AXIN1: variants seen among roughly 807,000 people sequenced by gnomAD.
AXIN1 encodes the protein axin-1.
Under a neutral mutation model 76.4 loss-of-function variants are expected in AXIN1, and 30 were observed. That is an observed-to-expected ratio of 0.39 (90% CI 0.29 to 0.53). The LOEUF (loss-of-function observed/expected upper bound fraction) is 0.53, where lower values mean the gene tolerates loss of function less well. Ranked by LOEUF, AXIN1 falls within the 20% of genes least tolerant of loss-of-function variation. AXIN1 has a pLI of 0.66. For missense variants in AXIN1, 1,140 were observed against 1,198.8 expected, an observed-to-expected ratio of 0.95 and a Z score of 0.72; for synonymous variants, 545 against 501.4, an observed-to-expected ratio of 1.09 and a Z score of -1.16.
In AXIN1 at chr16:322,343, C is replaced by T. The variant is rs374608709; in HGVS notation, c.879-7660G>A. On this transcript the variant is annotated intron_variant, in intron 2 of 10. Transcript: ENST00000262320. ...TCTAACGGGAGGCAATAACTCATGA[C>T]TGAGTATGTCTCCCCTCAACCCATC... Among the ~76,000 whole-genome samples, 59 of 152,350 alleles carry T rather than the reference C, an allele frequency of 3.9e-4. No homozygotes were observed. The South Asian group carries it at 6.0e-3, about 16-fold the overall frequency.
intron 5 of AXIN1, among the ~76,000 whole-genome samples, chr16:299,406 G>GC (rs1188751165): frequency 6.6e-6 from 1 of 152,250 alleles, no homozygotes; most frequent in Non-Finnish European, 1.5e-5. Context: ...AGGCTGGAGT[G>GC]CAGTGGCACG....
At position 293,025 on chromosome 16, in the gene AXIN1, C is replaced by T. The variant is rs367723010; in HGVS notation, c.2186+463G>A. 5.9e-5 allele frequency: 11 copies of T among 187,816 alleles called. No homozygotes were observed. The highest frequency in any genetic ancestry group is 5.2e-4 in the East Asian group (4 of 7,732). 11.6% of individuals were successfully genotyped at this position (187,816 alleles called of 1,614,324 possible). On this transcript the variant is annotated intron_variant, in intron 8 of 10. Transcript: ENST00000262320. This position sits in a 1 kb window ranked among gnomAD's most constrained non-coding sequence, Gnocchi z 4.6. Reference sequence around the variant, plus strand: ...GTCCAGGACGACACTTCTACATCTGCACGGCTTTCAGAACCACGTAGCTTT... The same window carrying T: ...GTCCAGGACGACACTTCTACATCTGTACGGCTTTCAGAACCACGTAGCTTT...
chr16:331,143 G>A (rs947876602), intron 2 of AXIN1, among the ~76,000 whole-genome samples: 3 of 152,246 alleles, frequency 2.0e-5, no homozygotes, highest in South Asian at 2.1e-4. Context: ...TCTCAGTGCT[G>A]AAGCTACAAG....
rs45530432 is a variant in AXIN1 at position 287,655 on chromosome 16, A to G, written c.*467T>C. 0.024 allele frequency: 7,498 copies of G among 317,394 alleles called. 140 individuals carry two copies. The highest frequency in any genetic ancestry group is 0.036 in the Non-Finnish European group (6,102 of 168,758). 19.7% of individuals were successfully genotyped at this position (317,394 alleles called of 1,614,324 possible). On this transcript the variant is annotated 3_prime_UTR_variant, in exon 11 of 11. Transcript: ENST00000262320. ...GCAGTGCTCCGTCGCCGATTCACAC[A>G]GTGGCAGGCAAGAGACAAGCTGTGT...
At chr16:302,065 A>G (rs1313305670) in intron 5 of AXIN1, among the ~76,000 whole-genome samples, 1 of 152,230 alleles carries the variant, frequency 6.6e-6, no homozygotes, top group Admixed American at 6.5e-5. Flanking sequence ...CGCTGGCCTC[A>G]GGTGCGCACA....
intron 2 of AXIN1, among the ~76,000 whole-genome samples, chr16:330,013 G>A (rs547752586): frequency 2.6e-5 from 4 of 151,374 alleles, no homozygotes; most frequent in African/African-American, 7.3e-5. Context: ...TGATCCTCCC[G>A]CCTCGACCTT....
At position 287,717 on chromosome 16, in the gene AXIN1, C is replaced by T. The variant is rs1351224748; in HGVS notation, c.*405G>A. ...GGTGGCGCGTACAATTGACAGAGGC[C>T]CTGCAGGCCTCTGCATCCGGGCCTG... is the stretch of plus-strand genomic sequence containing the variant. On this transcript the variant is annotated 3_prime_UTR_variant, in exon 11 of 11. Transcript: ENST00000262320. The T allele has an allele frequency of 1.9e-5, 7 of 371,700 alleles. No homozygotes were observed. Among genetic ancestry groups the T allele is most frequent in the African/African-American group, 1.2e-4 (6 of 49,532 alleles). The allele number at this position is 371,700 out of a possible 1,614,324, so 23.0% of individuals were successfully genotyped here. A position where few individuals can be genotyped will look rare whatever the true frequency, so the allele number is the denominator to read the frequency against.
At chr16:333,455 G>C (rs981111787) in intron 2 of AXIN1, among the ~76,000 whole-genome samples, 2 of 142,430 alleles carry the variant, frequency 1.4e-5, no homozygotes, top group African/African-American at 2.6e-5. Flanking sequence ...AAAAAGAAAA[G>C]AAACAAATAC....
At chr16:324,379 G>T (rs1346751937) in intron 2 of AXIN1, among the ~76,000 whole-genome samples, 2 of 152,342 alleles carry the variant, frequency 1.3e-5, no homozygotes, top group East Asian at 3.9e-4. Context: ...GCTGGAAGCA[G>T]CGCAGGGCAG....
At chr16:336,816 C>CAA (rs57147459) in intron 2 of AXIN1, among the ~76,000 whole-genome samples, 1,565 of 77,042 alleles carry the variant, frequency 0.02, 51 homozygotes, top group African/African-American at 0.077. Context: ...GACTCCGCCT[C>CAA]AAAAAAAAAA....
rs374325201 is a variant in AXIN1 at position 346,330 on chromosome 16, C to G, written c.696G>C (p.Lys232Asn). Residue 232 changes from lysine to asparagine, a missense_variant, in exon 2 of 11, where the codon AAG (lysine) becomes AAC (asparagine). By Grantham distance (94) the Lys-to-Asn change is moderately conservative (BLOSUM62 0). This residue lies in a region of AXIN1 where 708 missense variants were observed against 776.9 expected (regional missense o/e 0.91). Transcript: ENST00000262320. ...SDQSSGSGTGKGISGYLPTLN... is the reference protein window; with the variant it reads ...SDQSSGSGTGNGISGYLPTLN... ...AGGTCGGCAGGTATCCAGATATGCC[C>G]TTCCCTGTCCCTGACCCAGAGCTCT... 6.2e-7 allele frequency: 1 copy of G among 1,614,250 alleles called. No individual in the cohort carries two copies. Among genetic ancestry groups the G allele is most frequent in the Non-Finnish European group, 8.5e-7 (1 of 1,180,044 alleles).
chr16:287,952 C>G lies in AXIN1; in HGVS notation c.*170G>C. On this transcript the variant is annotated 3_prime_UTR_variant, in exon 11 of 11. Coordinates refer to ENST00000262320, the MANE Select transcript of AXIN1 (RefSeq NM_003502.4). ...TGGGGGCAGGACAGAAGCTTGTGGA[C>G]CACTTGGAGGGACCCCCTACCTGCC... 9.1e-7 allele frequency: 1 copy of G among 1,100,972 alleles called. No individual in the cohort carries two copies. The highest frequency in any genetic ancestry group is 1.4e-6 in the Non-Finnish European group (1 of 739,752). 68.2% of individuals were successfully genotyped at this position (1,100,972 alleles called of 1,614,324 possible).
chr16:324,515 C>CAG (rs775794486), intron 2 of AXIN1, among the ~76,000 whole-genome samples: 1 of 152,210 alleles, frequency 6.6e-6, no homozygotes, highest in African/African-American at 2.4e-5. Flanking sequence ...CAGTGTCCCG[C>CAG]AGAGTTTGTG....
At chr16:328,654 C>T (rs1362492511) in intron 2 of AXIN1, among the ~76,000 whole-genome samples, 2 of 152,300 alleles carry the variant, frequency 1.3e-5, no homozygotes, top group African/African-American at 4.8e-5. Flanking sequence ...CGAGACCACA[C>T]CATTGCTCTC....
chr16:298,192 C>A lies in AXIN1; in HGVS notation c.1314G>T (p.Leu438=), dbSNP rs1200388281. 9 of 1,541,750 alleles carry A rather than the reference C, an allele frequency of 5.8e-6. No homozygotes were observed. Among genetic ancestry groups the A allele is most frequent in the Non-Finnish European group, 7.8e-6 (9 of 1,147,272 alleles). Reference sequence around the variant, plus strand: ...AGTGGTGCCAAGCGGGGGCGGGAGGCAGCTTGTGACACGGCCCTGGGGGCC... The same window carrying A: ...AGTGGTGCCAAGCGGGGGCGGGAGGAAGCTTGTGACACGGCCCTGGGGGCC... The part of the protein sequence containing the change: ...SSGPPGPCHK[L]PPAPAWHHFP... The change falls in exon 6 of 11, where the codon CTG becomes CTT. Residue 438 remains leucine, a synonymous_variant. Coordinates refer to ENST00000262320, the MANE Select transcript of AXIN1 (RefSeq NM_003502.4).
At chr16:306,269 A>G (rs573998482) in intron 4 of AXIN1, among the ~76,000 whole-genome samples, 2 of 152,256 alleles carry the variant, frequency 1.3e-5, no homozygotes, top group East Asian at 1.9e-4. Flanking sequence ...CAGTACAAAT[A>G]TGGATGGTTA....
At position 293,619 on chromosome 16, in the gene AXIN1, G is replaced by A. The variant is rs750111022; in HGVS notation, c.2055C>T (p.Pro685=). The A allele has an allele frequency of 6.2e-7, 1 of 1,613,482 alleles. No homozygotes were observed. Among genetic ancestry groups the A allele is most frequent in the Non-Finnish European group, 8.5e-7 (1 of 1,180,006 alleles). Reference sequence around the variant, plus strand: ...TGGGGTCTTGGATGAAGAGGTGGGAGGGCTGCACGGAGGTCCGGAGCTGAG... The same window carrying A: ...TGGGGTCTTGGATGAAGAGGTGGGAAGGCTGCACGGAGGTCCGGAGCTGAG... ...AGPQLRTSVQ[P]SHLFIQDPTM... is the part of the protein sequence containing the mutation. Residue 685 remains proline (P), a synonymous_variant, in exon 8 of 11, where the codon CCC becomes CCT. Transcript: ENST00000262320. This position sits in a 1 kb window ranked among gnomAD's most constrained non-coding sequence, Gnocchi z 4.6.
intron 2 of AXIN1, among the ~76,000 whole-genome samples, chr16:342,083 G>T (rs564176127): frequency 6.6e-6 from 1 of 152,196 alleles, no homozygotes; most frequent in African/African-American, 2.4e-5. Flanking sequence ...GTGGTAACTC[G>T]CTCGGGTCCC....
chr16:325,946 G>A lies in AXIN1; in HGVS notation c.879-11263C>T, dbSNP rs764775482. On this transcript the variant is annotated intron_variant, in intron 2 of 10. Coordinates refer to ENST00000262320, the MANE Select transcript of AXIN1 (RefSeq NM_003502.4). ...CACAGAGAGGGCCCCACTCACTCACGCTGGCCACGAAAAGGCCCGCCCTGG... is the reference window on the plus strand; with the variant it reads ...CACAGAGAGGGCCCCACTCACTCACACTGGCCACGAAAAGGCCCGCCCTGG... 4.6e-5 allele frequency among the ~76,000 whole-genome samples: 7 copies of A among 151,852 alleles called. No homozygotes were observed. The South Asian group carries it at 1.3e-3, about 27-fold the overall frequency.
Sources: gnomAD v4.1 joint callset for allele counts (sites outside exome capture counted in the v4.1 genomes callset) on GRCh38, gnomAD v4.1.1 for gene constraint, gnomAD v4.1.1 regional missense constraint, Gnocchi (gnomAD v3.1) non-coding constraint, MANE v1.5 for transcripts, NCBI Gene and HGNC (gene_info 2026-07-23, HGNC 2026-07-21) for gene names.